The following SYNDIG1 variants were observed in gnomAD, a reference collection of about 807,000 sequenced individuals.
The protein encoded by SYNDIG1 is synapse differentiation inducing 1, also known as synapse differentiation-inducing gene protein 1.
In SYNDIG1, 9 loss-of-function variants were observed where a neutral mutation model predicts 19.4. That is an observed-to-expected ratio of 0.46 (90% confidence interval 0.28 to 0.81). The LOEUF is 0.81. SYNDIG1 is among the 30% of genes least tolerant of loss of function. The probability of loss-of-function intolerance (pLI) is 0.12; values close to 1 mark genes in which losing one functional copy is unlikely to be tolerated. For missense variants in SYNDIG1, 311 were observed against 343.3 expected (o/e 0.91, Z 0.74); for synonymous variants, 141 against 145.9 (o/e 0.97, Z 0.24).
chr20:24,625,442 G>T (rs2059110536), intron 3 of SYNDIG1, among the ~76,000 whole-genome samples: 1 of 139,892 alleles, frequency 7.1e-6, no homozygotes, highest in Non-Finnish European at 1.5e-5. Flanking sequence ...GGGGGATTTG[G>T]CAGGGTCATA....
At position 24,543,407 on chromosome 20, in the gene SYNDIG1, G is replaced by A. The variant is rs987447091; in HGVS notation, c.310G>A (p.Asp104Asn). The A allele has an allele frequency of 1.9e-6, 3 of 1,613,700 alleles. No individual in the cohort carries two copies. The South Asian group carries it at 3.3e-5, about 18-fold the overall frequency. Residue 104 changes from aspartate (D) to asparagine (N), a missense_variant, in exon 2 of 4, where the codon GAC becomes AAC. Transcript: ENST00000376862. ...YSEGVLRSWG[D>N]GVAADCCETT... ...AGAGGGCGTGCTGCGCTCCTGGGGG[G>A]ACGGTGTGGCCGCCGACTGCTGCGA...
chr20:24,602,485 A>G (rs1275039680), intron 3 of SYNDIG1, among the ~76,000 whole-genome samples: 1 of 152,136 alleles, frequency 6.6e-6, no homozygotes, highest in Non-Finnish European at 1.5e-5. Flanking sequence ...GCTTCATCCT[A>G]TGGCTGGTTT....
chr20:24,546,156 C>T (rs2057571985), intron 2 of SYNDIG1, among the ~76,000 whole-genome samples: 1 of 152,220 alleles, frequency 6.6e-6, no homozygotes, highest in African/African-American at 2.4e-5. Flanking sequence ...AAGATTTTCT[C>T]AGAAACATTC....
chr20:24,579,167 T>C (rs1417380308), intron 2 of SYNDIG1, among the ~76,000 whole-genome samples: 6 of 152,242 alleles, frequency 3.9e-5, no homozygotes, highest in Admixed American at 3.9e-4. Context: ...AAGAATACAC[T>C]GGCCTGGCCC....
intron 1 of SYNDIG1, among the ~76,000 whole-genome samples, chr20:24,529,006 A>G (rs920545210): frequency 1.3e-5 from 2 of 152,182 alleles, no homozygotes; most frequent in Non-Finnish European, 2.9e-5. Flanking sequence ...AGAAATTCTC[A>G]GAGATGAAGC....
At chr20:24,484,521 G>A (rs1357066065) in intron 1 of SYNDIG1, among the ~76,000 whole-genome samples, 3 of 152,152 alleles carry the variant, frequency 2.0e-5, no homozygotes, top group Non-Finnish European at 2.9e-5. Context: ...CTTCTGTTCA[G>A]GGTGAGTCTC....
At chr20:24,535,433 A>G (rs923791064) in intron 1 of SYNDIG1, among the ~76,000 whole-genome samples, 2 of 152,252 alleles carry the variant, frequency 1.3e-5, no homozygotes, top group African/African-American at 4.8e-5. Context: ...CTAGCGTTCA[A>G]TAACTTAATC....
intron 1 of SYNDIG1, among the ~76,000 whole-genome samples, chr20:24,521,463 G>A (rs1337320249): frequency 2.6e-5 from 4 of 152,136 alleles, no homozygotes; most frequent in East Asian, 1.9e-4. Context: ...AGGACCCACC[G>A]TCTTGTCTTC....
intron 3 of SYNDIG1, among the ~76,000 whole-genome samples, chr20:24,637,085 C>A (rs193234105): frequency 1.3e-5 from 2 of 152,310 alleles, no homozygotes; most frequent in Admixed American, 1.3e-4. Context: ...ACGGGCAGGG[C>A]CCGGGGAGGG....
intron 1 of SYNDIG1, among the ~76,000 whole-genome samples, chr20:24,529,047 A>C (rs1371429349): frequency 6.6e-6 from 1 of 152,182 alleles, no homozygotes; most frequent in Non-Finnish European, 1.5e-5. Flanking sequence ...GGAAAAAAAA[A>C]CAGTTTTACC....
chr20:24,559,014 CA>C (rs2057881927), intron 2 of SYNDIG1, among the ~76,000 whole-genome samples: 1 of 152,068 alleles, frequency 6.6e-6, no homozygotes, highest in Admixed American at 6.6e-5. Flanking sequence ...ATCAATATAT[CA>C]AAAAGATACC....
chr20:24,578,117 ATG>A (rs2058259067), intron 2 of SYNDIG1, among the ~76,000 whole-genome samples: 1 of 152,234 alleles, frequency 6.6e-6, no homozygotes, highest in African/African-American at 2.4e-5. Flanking sequence ...TTTGGATAAA[ATG>A]TGCAGATTTC....
At chr20:24,567,296 G>C (rs1027640222) in intron 2 of SYNDIG1, among the ~76,000 whole-genome samples, 6 of 152,124 alleles carry the variant, frequency 3.9e-5, no homozygotes, top group Non-Finnish European at 7.3e-5. Context: ...GACTTCTGTG[G>C]CTCCACATCG....
intron 3 of SYNDIG1, among the ~76,000 whole-genome samples, chr20:24,608,494 G>C (rs984050333): frequency 6.6e-6 from 1 of 152,090 alleles, no homozygotes; most frequent in African/African-American, 2.4e-5. Flanking sequence ...AATCTTAACA[G>C]TGACAATCCA....
At chr20:24,572,657 G>A (rs2058163720) in intron 2 of SYNDIG1, among the ~76,000 whole-genome samples, 1 of 152,172 alleles carries the variant, frequency 6.6e-6, no homozygotes, top group African/African-American at 2.4e-5. Flanking sequence ...ATGGCCACTG[G>A]CCTCTTAAAG....
chr20:24,590,108 T>C (rs754490241), intron 3 of SYNDIG1, among the ~76,000 whole-genome samples: 1 of 152,192 alleles, frequency 6.6e-6, no homozygotes, highest in Non-Finnish European at 1.5e-5. Context: ...AGCGTGGAAC[T>C]GGGAGAAACG....
At chr20:24,547,237 A>G (rs540816532) in intron 2 of SYNDIG1, among the ~76,000 whole-genome samples, 3 of 152,238 alleles carry the variant, frequency 2.0e-5, no homozygotes, top group South Asian at 2.1e-4. Flanking sequence ...GTTTTCCCCA[A>G]TCACTTTCCC....
chr20:24,629,320 G>A lies in SYNDIG1; in HGVS notation c.619-36026G>A, dbSNP rs544694920. The stretch of plus-strand genomic sequence containing the variant: ...GATGGGTCTTGCTGCTGCCCTTGGG[G>A]AGACTTCCTCAGCAGTGTCTTAGGA... On this transcript the variant is annotated intron_variant, in intron 3 of 3. Transcript: ENST00000376862. Among the ~76,000 whole-genome samples, 8 of 152,284 alleles carry A rather than the reference G, an allele frequency of 5.3e-5. No individual in the cohort carries two copies. The East Asian group carries it at 9.7e-4, about 18-fold the overall frequency.
chr20:24,617,571 C>A (rs962182182), intron 3 of SYNDIG1, among the ~76,000 whole-genome samples: 6 of 152,174 alleles, frequency 3.9e-5, no homozygotes, highest in African/African-American at 1.4e-4. Flanking sequence ...TGCGAAGGGG[C>A]CCCAGACATA....
Sources: gnomAD v4.1 joint callset for allele counts (sites outside exome capture counted in the v4.1 genomes callset) on GRCh38, gnomAD v4.1.1 for gene constraint, MANE v1.5 for transcripts, NCBI Gene and HGNC (gene_info 2026-07-23, HGNC 2026-07-21) for gene names.